Variants in S100A1 observed in about 807,000 individuals in gnomAD.
S100A1 encodes protein S100-A1.
In S100A1, 3 loss-of-function variants were observed where a neutral mutation model predicts 7.6. That is an observed-to-expected ratio of 0.40 (90% CI 0.18 to 1.02). The LOEUF is 1.02. Among genes scored for constraint, S100A1 ranks in the 50% least tolerant of loss-of-function variants. The probability of loss-of-function intolerance (pLI) is 0.35; values close to 1 mark genes in which losing one functional copy is unlikely to be tolerated. For missense variants in S100A1, 126 were observed against 115.0 expected, an observed-to-expected ratio of 1.10 and a Z score of -0.44; for synonymous variants, 49 against 49.0, an observed-to-expected ratio of 1.00 and a Z score of 0.00.
At chr1:153,628,680 G>A (rs529929474) in intron 1 of S100A1, 184 bp downstream of exon 1, 2 of 1,051,178 alleles carry the variant, frequency 1.9e-6, no homozygotes, top group East Asian at 2.7e-5. Context: ...GGTGATGAGA[G>A]ACAAATGAAC....
intron 2 of S100A1, 139 bp downstream of exon 2, chr1:153,630,801 T>G: frequency 1.7e-6 from 2 of 1,168,048 alleles, no homozygotes; most frequent in Non-Finnish European, 2.4e-6. Context: ...TCTCCTGGGT[T>G]TTTCCAGGCT....
At chr1:153,630,888 C>CTGTGGTCTCCGT in intron 2 of S100A1, 1 of 516,052 alleles carries the variant, frequency 1.9e-6, no homozygotes, top group Non-Finnish European at 3.4e-6. Context: ...TGTGTAGATT[C>CTGTGGTCTCCGT]ATCAATAATA....
intron 2 of S100A1, chr1:153,631,405 T>TATTA: frequency 7.0e-7 from 1 of 1,426,692 alleles, no homozygotes; most frequent in Non-Finnish European, 9.6e-7. Context: ...ACATTATTTG[T>TATTA]ATTAGAATTA....
chr1:153,628,501 G>A lies in S100A1; in HGVS notation c.-14+5G>A, dbSNP rs1441118194. On this transcript the variant is annotated splice_donor_5th_base_variant and intron_variant, in intron 1 of 2. Transcript: ENST00000292169. Reference sequence around the variant, plus strand: ...CACCTCAGGCCCAGGCCAACCGTGAGTACCCTGCCCCACTGGGCTAGTCCC... The same window carrying A: ...CACCTCAGGCCCAGGCCAACCGTGAATACCCTGCCCCACTGGGCTAGTCCC... 5 of 1,550,726 alleles carry A rather than the reference G, an allele frequency of 3.2e-6. No individual in the cohort carries two copies. The highest frequency in any genetic ancestry group is 2.4e-5 in the East Asian group (1 of 40,916).
chr1:153,630,018 A>G, intron 1 of S100A1: 1 of 162,614 alleles, frequency 6.1e-6, no homozygotes, highest in Non-Finnish European at 1.3e-5. Flanking sequence ...TACCAGACTG[A>G]CTCCTTGCTA....
chr1:153,630,349 C>A, intron 1 of S100A1, 160 bp from the exon 2 acceptor site: 1 of 918,032 alleles, frequency 1.1e-6, no homozygotes, highest in Non-Finnish European at 1.6e-6. Flanking sequence ...TGGGGTTTCC[C>A]TCACATTGTA....
Position 153,631,758 on chromosome 1 carries a change from G to A in S100A1, c.202G>A (p.Gly68Arg), listed in dbSNP as rs375726273. 5.2e-5 allele frequency: 84 copies of A among 1,614,058 alleles called. No individual in the cohort carries two copies. The highest frequency in any genetic ancestry group is 3.3e-4 in the Middle Eastern group (2 of 6,084). Residue 68 changes from glycine to arginine, a missense_variant, in exon 3 of 3, where the codon GGG becomes AGG. By Grantham distance (125) the Gly-to-Arg change is moderately radical. Coordinates refer to ENST00000292169, the MANE Select transcript of S100A1 (RefSeq NM_006271.2). ...GAAGGAGCTAGACGAGAATGGAGAC[G>A]GGGAGGTGGACTTCCAGGAGTATGT... ...VMKELDENGDGEVDFQEYVVL... is the reference protein window; with the variant it reads ...VMKELDENGDREVDFQEYVVL...
chr1:153,630,923 G>C (rs1022125919), intron 2 of S100A1: 1 of 488,868 alleles, frequency 2.0e-6, no homozygotes, highest in Non-Finnish European at 3.6e-6. Flanking sequence ...AGAAGGGAAA[G>C]ATTGACACTT....
chr1:153,630,179 C>T (rs1312102030), intron 1 of S100A1: 2 of 426,072 alleles, frequency 4.7e-6, no homozygotes, highest in Admixed American at 8.2e-5. Context: ...GCCTGCCCCA[C>T]CCTCCTCAAT....
At chr1:153,630,258 C>T (rs1272956260) in intron 1 of S100A1, 4 of 507,506 alleles carry the variant, frequency 7.9e-6, no homozygotes, top group Non-Finnish European at 6.9e-6. Flanking sequence ...CAACTGCTCT[C>T]TCTCCATGCC....
At chr1:153,630,817 A>G (rs113846128) in intron 2 of S100A1, among the ~76,000 whole-genome samples, 155 bp downstream of exon 2, 7 of 151,778 alleles carry the variant, frequency 4.6e-5, no homozygotes, top group African/African-American at 1.7e-4. Context: ...AGGCTCCCCT[A>G]CTCCTCCTGG....
At position 153,630,486 on chromosome 1, in the gene S100A1, A is replaced by G. The variant is rs757806196; in HGVS notation, c.-13-23A>G. On this transcript the variant is annotated intron_variant, in intron 1 of 2. Transcript: ENST00000292169. Reference sequence around the variant, plus strand: ...GTACTCCGGGCCTGGTCCTCAGCTCACTTCCATGATGGGGGTGGGTAGGTG... The same window carrying G: ...GTACTCCGGGCCTGGTCCTCAGCTCGCTTCCATGATGGGGGTGGGTAGGTG... 7 of 1,611,944 alleles carry G rather than the reference A, an allele frequency of 4.3e-6. No homozygotes were observed. In the South Asian group the frequency reaches 7.7e-5, roughly 18 times the overall value.
Position 153,630,493 on chromosome 1 carries a change from T to C in S100A1, c.-13-16T>C, listed in dbSNP as rs1283782005. Reference sequence around the variant, plus strand: ...GGGCCTGGTCCTCAGCTCACTTCCATGATGGGGGTGGGTAGGTGCACTGCT... The same window carrying C: ...GGGCCTGGTCCTCAGCTCACTTCCACGATGGGGGTGGGTAGGTGCACTGCT... On this transcript the variant is annotated splice_polypyrimidine_tract_variant and intron_variant, in intron 1 of 2. Transcript: ENST00000292169. The C allele has an allele frequency of 3.7e-6, 6 of 1,612,470 alleles. No homozygotes were observed. The highest frequency in any genetic ancestry group is 5.1e-6 in the Non-Finnish European group (6 of 1,178,988).
At position 153,630,621 on chromosome 1, in the gene S100A1, C is replaced by G; in HGVS notation, c.100C>G (p.Leu34Val). The change falls in exon 2 of 3, where the codon CTG becomes GTG. Residue 34 changes from leucine to valine, a missense_variant. Coordinates refer to ENST00000292169, the MANE Select transcript of S100A1 (RefSeq NM_006271.2). ...GDKYKLSKKE[L>V]KELLQTELSG... ...CAAGTACAAGCTGAGCAAGAAGGAGCTGAAAGAGCTGCTGCAGACGGAGCT... is the reference window on the plus strand; with the variant it reads ...CAAGTACAAGCTGAGCAAGAAGGAGGTGAAAGAGCTGCTGCAGACGGAGCT... The G allele has an allele frequency of 6.2e-7, 1 of 1,614,250 alleles. No homozygotes were observed. Among genetic ancestry groups the G allele is most frequent in the Non-Finnish European group, 8.5e-7 (1 of 1,180,048 alleles).
chr1:153,631,212 C>A, intron 2 of S100A1: 1 of 490,536 alleles, frequency 2.0e-6, no homozygotes, highest in Non-Finnish European at 3.6e-6. Flanking sequence ...CTAAGGCTAA[C>A]CAGGGCCCCA....
intron 2 of S100A1, 194 bp from the exon 3 acceptor site, chr1:153,631,504 T>C (rs751991925): frequency 1.6e-5 from 25 of 1,611,604 alleles, no homozygotes; most frequent in Non-Finnish European, 1.8e-5. Flanking sequence ...TATTATTCAT[T>C]CTGCCAGGTG....
At chr1:153,630,877 C>T (rs1667974193) in intron 2 of S100A1, 5 of 571,826 alleles carry the variant, frequency 8.7e-6, no homozygotes, top group Non-Finnish European at 1.2e-5. Context: ...GTGTTAGGCC[C>T]TGTGTAGATT....
chr1:153,630,340 G>A, intron 1 of S100A1, 169 bp from the exon 2 acceptor site: 5 of 812,350 alleles, frequency 6.2e-6, no homozygotes, highest in Non-Finnish European at 9.4e-6. Flanking sequence ...TAGGTCTCTT[G>A]GGGTTTCCCT....
intron 1 of S100A1, 166 bp from the exon 2 acceptor site, chr1:153,630,343 G>A (rs1667931517): frequency 2.4e-6 from 2 of 848,020 alleles, no homozygotes; most frequent in Middle Eastern, 3.6e-4. Flanking sequence ...GTCTCTTGGG[G>A]TTTCCCTCAC....
Sources: gnomAD v4.1 joint callset for allele counts (sites outside exome capture counted in the v4.1 genomes callset) on GRCh38, gnomAD v4.1.1 for gene constraint, MANE v1.5 for transcripts, NCBI Gene and HGNC (gene_info 2026-07-23, HGNC 2026-07-21) for gene names.